The following HS6ST3 variants were observed in gnomAD, a reference collection of about 807,000 sequenced individuals.
HS6ST3 encodes heparan sulfate 6-O-sulfotransferase 3.
Under a neutral mutation model 36.7 loss-of-function variants are expected in HS6ST3, and 12 were observed. The observed-to-expected ratio is 0.33, with a 90% CI of 0.21 to 0.53. The LOEUF is 0.53. Ranked by LOEUF, HS6ST3 falls within the 20% of genes least tolerant of loss-of-function variation. HS6ST3 has a pLI of 0.95. For synonymous variants in HS6ST3, 240 were observed against 257.5 expected (o/e 0.93, Z 0.65); for missense variants, 584 against 640.9 (o/e 0.91, Z 0.96).
chr13:96,651,760 A>G (rs553310681), intron 1 of HS6ST3, among the ~76,000 whole-genome samples: 4 of 152,188 alleles, frequency 2.6e-5, no homozygotes, highest in African/African-American at 9.6e-5. Flanking sequence ...TTTATTATTT[A>G]CATGCCTTTT....
At chr13:96,806,852 T>A (rs1878206875) in intron 1 of HS6ST3, among the ~76,000 whole-genome samples, 1 of 151,518 alleles carries the variant, frequency 6.6e-6, no homozygotes. Context: ...GTCCAAGCTT[T>A]TTATAAGCTG....
chr13:96,598,765 A>G (rs934076528), intron 1 of HS6ST3, among the ~76,000 whole-genome samples: 8 of 152,152 alleles, frequency 5.3e-5, no homozygotes, highest in African/African-American at 1.9e-4. Context: ...TCTTAAGGGC[A>G]ATGCTTTCAA....
At chr13:96,261,459 CT>C (rs1231481757) in intron 1 of HS6ST3, among the ~76,000 whole-genome samples, 2 of 152,006 alleles carry the variant, frequency 1.3e-5, no homozygotes, top group Non-Finnish European at 2.9e-5. Context: ...CACACTGCTG[CT>C]TTTAAAATGT....
intron 1 of HS6ST3, among the ~76,000 whole-genome samples, chr13:96,131,822 C>A (rs2053977098): frequency 6.6e-6 from 1 of 150,386 alleles, no homozygotes; most frequent in Non-Finnish European, 1.5e-5. Flanking sequence ...TGGAGACCAT[C>A]TAATTATTTT....
At chr13:96,091,598 T>TGGGC in intron 1 of HS6ST3, 29 bp downstream of exon 1, 1 of 1,488,626 alleles carries the variant, frequency 6.7e-7, no homozygotes, top group Non-Finnish European at 9.0e-7. Flanking sequence ...TCTCTGTTCT[T>TGGGC]CCCCCCCACC....
At chr13:96,517,117 G>C (rs2056075735) in intron 1 of HS6ST3, among the ~76,000 whole-genome samples, 1 of 152,066 alleles carries the variant, frequency 6.6e-6, no homozygotes, top group Non-Finnish European at 1.5e-5. Context: ...AGTGGCTCAT[G>C]CCTGTAATCC....
At position 96,378,714 on chromosome 13, in the gene HS6ST3, G is replaced by C. The variant is rs146818918; in HGVS notation, c.707+287145G>C. On this transcript the variant is annotated intron_variant, in intron 1 of 1. Coordinates refer to ENST00000376705, the MANE Select transcript of HS6ST3 (RefSeq NM_153456.4). ...TAGTAGTAGGCACAGGGCTGTGTCT[G>C]CTCACAGGTGGGGTTATCTTCTCAT... Among the ~76,000 whole-genome samples the C allele has an allele frequency of 7.9e-4, 121 of 152,274 alleles. 3 individuals carry two copies. The highest frequency in any genetic ancestry group is 2.8e-3 in the African/African-American group (118 of 41,576).
intron 1 of HS6ST3, among the ~76,000 whole-genome samples, chr13:96,190,148 G>GT (rs2054282360): frequency 6.6e-6 from 1 of 152,204 alleles, no homozygotes; most frequent in Non-Finnish European, 1.5e-5. Flanking sequence ...AGGATCATAT[G>GT]TATTTGCAAG....
At chr13:96,830,063 TC>T (rs1057333149) in intron 1 of HS6ST3, among the ~76,000 whole-genome samples, 7 of 152,048 alleles carry the variant, frequency 4.6e-5, no homozygotes, top group Non-Finnish European at 7.4e-5. Context: ...GTTTTTTTTT[TC>T]ATTTTCATTA....
intron 1 of HS6ST3, among the ~76,000 whole-genome samples, chr13:96,118,762 C>G (rs2053910879): frequency 8.3e-6 from 1 of 119,768 alleles, no homozygotes; most frequent in African/African-American, 3.2e-5. Context: ...GGACTGCGGA[C>G]TGCAGTGGCG....
intron 1 of HS6ST3, among the ~76,000 whole-genome samples, chr13:96,108,013 A>G (rs147327984): frequency 8.1e-4 from 123 of 152,282 alleles, no homozygotes; most frequent in African/African-American, 2.8e-3. Flanking sequence ...GATAACAGCA[A>G]TGTTCAGGGA....
chr13:96,823,273 C>T (rs1296563028), intron 1 of HS6ST3, among the ~76,000 whole-genome samples: 1 of 152,202 alleles, frequency 6.6e-6, no homozygotes, highest in East Asian at 1.9e-4. Context: ...AATTTATTCT[C>T]TGCACAGATA....
At chr13:96,092,088 A>G (rs377492991) in intron 1 of HS6ST3, among the ~76,000 whole-genome samples, 4 of 152,128 alleles carry the variant, frequency 2.6e-5, no homozygotes, top group East Asian at 1.9e-4. Context: ...GAAACAGTCA[A>G]TCCTCTTGAT....
chr13:96,186,039 T>C (rs1244334530), intron 1 of HS6ST3, among the ~76,000 whole-genome samples: 1 of 152,220 alleles, frequency 6.6e-6, no homozygotes, highest in Non-Finnish European at 1.5e-5. Context: ...ATAAACTATA[T>C]ATATGCATGC....
intron 1 of HS6ST3, among the ~76,000 whole-genome samples, chr13:96,402,799 G>A (rs1052037222): frequency 2.0e-5 from 3 of 152,114 alleles, no homozygotes; most frequent in Non-Finnish European, 2.9e-5. Context: ...TATACAATTT[G>A]TTTATCCATT....
At chr13:96,741,757 G>A (rs778585236) in intron 1 of HS6ST3, among the ~76,000 whole-genome samples, 14 of 152,182 alleles carry the variant, frequency 9.2e-5, no homozygotes, top group Non-Finnish European at 1.9e-4. Flanking sequence ...AATGTCATCA[G>A]CTAACACATT....
At chr13:96,557,657 C>T (rs1422818151) in intron 1 of HS6ST3, among the ~76,000 whole-genome samples, 2 of 152,180 alleles carry the variant, frequency 1.3e-5, no homozygotes, top group African/African-American at 4.8e-5. Flanking sequence ...TAGTGAACTG[C>T]TGCATGGGGC....
intron 1 of HS6ST3, among the ~76,000 whole-genome samples, chr13:96,705,310 T>A (rs1280129794): frequency 6.6e-6 from 1 of 152,226 alleles, no homozygotes; most frequent in East Asian, 1.9e-4. Context: ...CTCTTGGGAC[T>A]TTTAAAACTG....
intron 1 of HS6ST3, among the ~76,000 whole-genome samples, chr13:96,627,224 G>C (rs1402751401): frequency 6.6e-6 from 1 of 151,966 alleles, no homozygotes; most frequent in Non-Finnish European, 1.5e-5. Context: ...ATATATTTTG[G>C]TTTGATTTAA....
Sources: allele counts gnomAD v4.1 joint callset (sites outside exome capture counted in the v4.1 genomes callset), GRCh38; gene constraint gnomAD v4.1.1; transcripts MANE v1.5; gene names NCBI Gene and HGNC (gene_info 2026-07-23, HGNC 2026-07-21).